CCR5AS: variants seen among roughly 807,000 people sequenced by gnomAD.
The protein encoded by CCR5AS is CCR5 antisense RNA.
chr3:46,404,093 A>T (rs936676909), intron 1 of CCR5AS, among the ~76,000 whole-genome samples: 4 of 152,174 alleles, frequency 2.6e-5, no homozygotes, highest in African/African-American at 9.7e-5. Context: ...GGAGCCTCAC[A>T]TCCTTTGCCT....
At chr3:46,386,127 G>A (rs575929624) in intron 2 of CCR5AS, among the ~76,000 whole-genome samples, 1 of 152,060 alleles carries the variant, frequency 6.6e-6, no homozygotes, top group Non-Finnish European at 1.5e-5. Flanking sequence ...TGTTCCCCAG[G>A]CTGGTCTTGA....
intron 1 of CCR5AS, among the ~76,000 whole-genome samples, chr3:46,404,902 G>A (rs778650244): frequency 4.6e-5 from 7 of 152,210 alleles, no homozygotes; most frequent in South Asian, 2.1e-4. Flanking sequence ...TGATCTACAC[G>A]TAGTGGGGAA....
intron 2 of CCR5AS, chr3:46,373,860 T>G (rs746772498): frequency 6.2e-7 from 1 of 1,613,948 alleles, no homozygotes. Context: ...TGCCAAACGC[T>G]TCTGCAAATG....
At chr3:46,392,586 C>G (rs528598547) in intron 2 of CCR5AS, among the ~76,000 whole-genome samples, 1 of 152,112 alleles carries the variant, frequency 6.6e-6, no homozygotes, top group Non-Finnish European at 1.5e-5. Context: ...GGCATCCCCC[C>G]GGTGATCAGA....
At chr3:46,399,515 G>C (rs948753560) in intron 1 of CCR5AS, among the ~76,000 whole-genome samples, 3 of 152,162 alleles carry the variant, frequency 2.0e-5, no homozygotes, top group Non-Finnish European at 4.4e-5. Flanking sequence ...AAGTGGGTTT[G>C]TAATCTTTAT....
intron 1 of CCR5AS, among the ~76,000 whole-genome samples, chr3:46,395,835 A>G (rs1255337733): frequency 1.3e-5 from 2 of 152,132 alleles, no homozygotes; most frequent in East Asian, 3.9e-4. Flanking sequence ...CTGGTTTACC[A>G]GATAGGGAAG....
chr3:46,365,269 C>A (rs1701588655), intron 3 of CCR5AS, among the ~76,000 whole-genome samples: 1 of 152,072 alleles, frequency 6.6e-6, no homozygotes, highest in Admixed American at 6.5e-5. Context: ...CCACAGCCAC[C>A]CCCAGCTTTA....
chr3:46,367,366 A>C (rs1701609297), intron 3 of CCR5AS, among the ~76,000 whole-genome samples: 2 of 62,862 alleles, frequency 3.2e-5, no homozygotes, highest in Non-Finnish European at 8.9e-5. Flanking sequence ...ATCTTTAGCT[A>C]AAAAAAAAAA....
At chr3:46,368,264 T>C (rs757847594) in intron 3 of CCR5AS, among the ~76,000 whole-genome samples, 75 of 152,252 alleles carry the variant, frequency 4.9e-4, no homozygotes, top group Non-Finnish European at 9.3e-4. Flanking sequence ...AAAAGTTCAT[T>C]TCCTATGGGG....
At chr3:46,379,470 G>A (rs1250050141) in intron 2 of CCR5AS, among the ~76,000 whole-genome samples, 1 of 152,070 alleles carries the variant, frequency 6.6e-6, no homozygotes, top group Non-Finnish European at 1.5e-5. Context: ...CTCTATTATT[G>A]TTATTGTAAC....
At chr3:46,402,854 A>G (rs1702014760) in intron 1 of CCR5AS, among the ~76,000 whole-genome samples, 3 of 152,178 alleles carry the variant, frequency 2.0e-5, no homozygotes, top group African/African-American at 7.2e-5. Flanking sequence ...CAAGCCCAGT[A>G]CTCAATAGGT....
intron 1 of CCR5AS, among the ~76,000 whole-genome samples, chr3:46,403,443 A>G (rs1702019130): frequency 6.6e-6 from 1 of 152,264 alleles, no homozygotes; most frequent in Non-Finnish European, 1.5e-5. Context: ...ATAATGAGTT[A>G]TTAACTTATA....
intron 1 of CCR5AS, among the ~76,000 whole-genome samples, chr3:46,401,099 G>A (rs1702002392): frequency 6.6e-6 from 1 of 152,174 alleles, no homozygotes; most frequent in Non-Finnish European, 1.5e-5. Context: ...TTAGGGCAGA[G>A]GAAGCACAAA....
chr3:46,385,550 C>T (rs1701853297), intron 2 of CCR5AS, among the ~76,000 whole-genome samples: 1 of 152,124 alleles, frequency 6.6e-6, no homozygotes, highest in Non-Finnish European at 1.5e-5. Flanking sequence ...TCCTGGAACA[C>T]TCATGTTTGG....
intron 2 of CCR5AS, among the ~76,000 whole-genome samples, chr3:46,382,511 G>A (rs748686470): frequency 6.6e-6 from 1 of 152,188 alleles, no homozygotes; most frequent in African/African-American, 2.4e-5. Flanking sequence ...CTTGGCATGA[G>A]GCAACGAACC....
chr3:46,399,810 AG>A (rs1701991577), intron 1 of CCR5AS, among the ~76,000 whole-genome samples: 1 of 152,198 alleles, frequency 6.6e-6, no homozygotes, highest in Non-Finnish European at 1.5e-5. Context: ...GGGAGTCATT[AG>A]AACGGGGGTG....
chr3:46,377,950 C>A (rs1180012230), intron 2 of CCR5AS, among the ~76,000 whole-genome samples: 5 of 152,090 alleles, frequency 3.3e-5, no homozygotes, highest in East Asian at 1.9e-4. Context: ...CGTGATCTGC[C>A]CGCCTCGGCC....
chr3:46,366,284 G>A lies in CCR5AS; in HGVS notation n.566-1239C>T, dbSNP rs1345928735. 2.0e-5 allele frequency among the ~76,000 whole-genome samples: 3 copies of A among 152,256 alleles called. No homozygotes were observed. The East Asian group carries it at 5.8e-4, about 29-fold the overall frequency. ...CTTAGGCCATAGTTGCTAGTTCTGG[G>A]ACAACCAGAAAAGCCCTACATAATC... is the stretch of plus-strand genomic sequence containing the variant. On this transcript the variant is annotated intron_variant and non_coding_transcript_variant, in intron 3 of 3. Transcript: ENST00000451485.
rs138576827 is a variant in CCR5AS, at chr3:46,400,898, C to T, written n.163+5999G>A. Among the ~76,000 whole-genome samples the T allele has an allele frequency of 8.5e-5, 13 of 152,252 alleles. No individual in the cohort carries two copies. In the East Asian group the frequency reaches 1.2e-3, roughly 14 times the overall value. The stretch of plus-strand genomic sequence containing the variant: ...GGAATTAATAGCCAAAAAATGGCAC[C>T]GAGGCCAAGGATGTCACCTTCTGAC... On this transcript the variant is annotated intron_variant and non_coding_transcript_variant, in intron 1 of 3. Transcript: ENST00000451485.
Sources: gnomAD v4.1 joint callset for allele counts (sites outside exome capture counted in the v4.1 genomes callset) on GRCh38, gnomAD v4.1.1 for gene constraint, MANE v1.5 for transcripts, NCBI Gene and HGNC (gene_info 2026-07-23, HGNC 2026-07-21) for gene names.